Variants in PARPBP observed in about 807,000 individuals in gnomAD.
PARPBP encodes the protein PCNA-interacting partner.
Under a neutral mutation model 50.0 loss-of-function variants are expected in PARPBP, and 52 were observed. The ratio of observed to expected loss-of-function variants is 1.04; its 90% CI spans 0.83 to 1.31. PARPBP has a LOEUF of 1.31. PARPBP is among the 50% of genes most tolerant of loss of function. The probability of loss-of-function intolerance (pLI) is 0.00; values close to 1 mark genes in which losing one functional copy is unlikely to be tolerated. For missense variants in PARPBP, 697 were observed against 672.0 expected (o/e 1.04, Z -0.41); for synonymous variants, 244 against 232.1 (o/e 1.05, Z -0.47).
chr12:102,194,199 A>G (rs1290982341), intron 9 of PARPBP, among the ~76,000 whole-genome samples: 3 of 152,004 alleles, frequency 2.0e-5, no homozygotes, highest in Admixed American at 2.0e-4. Flanking sequence ...TGAACATATA[A>G]TATATAACTA....
intron 6 of PARPBP, among the ~76,000 whole-genome samples, chr12:102,166,768 A>G (rs1888183372): frequency 6.6e-6 from 1 of 152,096 alleles, no homozygotes; most frequent in African/African-American, 2.4e-5. Flanking sequence ...ATTCCATTCT[A>G]AGATTCTAAG....
At chr12:102,153,412 C>T (rs1026771889) in intron 3 of PARPBP, among the ~76,000 whole-genome samples, 3 of 152,136 alleles carry the variant, frequency 2.0e-5, no homozygotes, top group Non-Finnish European at 2.9e-5. Flanking sequence ...GTGGTGTAGT[C>T]GCAGCTCACT....
chr12:102,132,351 G>C (rs775719370), intron 2 of PARPBP, among the ~76,000 whole-genome samples: 3 of 152,020 alleles, frequency 2.0e-5, no homozygotes, highest in Non-Finnish European at 2.9e-5. Context: ...AAGGGATAAG[G>C]GTCTAATTTC....
intron 5 of PARPBP, 50 bp from the exon 6 acceptor site, chr12:102,165,679 C>T (rs1018524196): frequency 1.4e-6 from 2 of 1,399,828 alleles, no homozygotes; most frequent in South Asian, 1.2e-5. Flanking sequence ...AAGTAAATTA[C>T]AGTTTAATAA....
intron 2 of PARPBP, among the ~76,000 whole-genome samples, chr12:102,131,942 G>A (rs1207453315): frequency 6.8e-6 from 1 of 148,122 alleles, no homozygotes; most frequent in African/African-American, 2.4e-5. Context: ...TGTGGCTAAT[G>A]CCTGTAATCC....
intron 9 of PARPBP, among the ~76,000 whole-genome samples, chr12:102,192,292 T>G (rs1649351248): frequency 6.6e-6 from 1 of 152,148 alleles, no homozygotes; most frequent in Admixed American, 6.6e-5. Flanking sequence ...AACCTTGACA[T>G]ATGTTAACTG....
At chr12:102,163,400 T>C (rs1256754176) in intron 4 of PARPBP, among the ~76,000 whole-genome samples, 1 of 152,220 alleles carries the variant, frequency 6.6e-6, no homozygotes, top group Non-Finnish European at 1.5e-5. Context: ...GATTTTCTCT[T>C]ACTTTTGGCT....
At chr12:102,140,837 G>C (rs904920207) in intron 2 of PARPBP, among the ~76,000 whole-genome samples, 1 of 152,176 alleles carries the variant, frequency 6.6e-6, no homozygotes, top group African/African-American at 2.4e-5. Flanking sequence ...ATTGCACTGT[G>C]GTCTGAGAGA....
intron 4 of PARPBP, among the ~76,000 whole-genome samples, chr12:102,156,930 CTG>C (rs1887017577): frequency 1.3e-5 from 2 of 152,236 alleles, no homozygotes; most frequent in South Asian, 4.1e-4. Flanking sequence ...GCATGAGACA[CTG>C]TGCCCAGCCA....
chr12:102,148,137 A>G, intron 2 of PARPBP, 93 bp from the exon 3 acceptor site: 2 of 554,020 alleles, frequency 3.6e-6, no homozygotes, highest in South Asian at 3.3e-5. Context: ...GACTTTACCA[A>G]AATTTAATTT....
At chr12:102,195,131 A>G (rs934799158) in intron 9 of PARPBP, among the ~76,000 whole-genome samples, 181 bp from the exon 10 acceptor site, 1 of 151,746 alleles carries the variant, frequency 6.6e-6, no homozygotes, top group Non-Finnish European at 1.5e-5. Flanking sequence ...AATGCTAGCC[A>G]TAACAATGAA....
In PARPBP at chr12:102,155,600, G is replaced by GGC. The variant is rs1555216786; in HGVS notation, c.495+1625_495+1626insCG. Among the ~76,000 whole-genome samples the GGC allele has an allele frequency of 4.0e-5, 5 of 125,222 alleles. No homozygotes were observed. In the East Asian group the frequency reaches 8.8e-4, roughly 22 times the overall value. The allele number at this position is 125,222 out of a possible 152,430, so 82.2% of individuals were successfully genotyped here. On this transcript the variant is annotated intron_variant, in intron 4 of 10. Transcript: ENST00000327680. ...CTATCGCCTGAGAGCATGGTGGGGG[G>GGC]GGGGGGCGGGGACAATGATTGGAAT...
chr12:102,189,615 A>G (rs745673826), intron 9 of PARPBP, among the ~76,000 whole-genome samples: 3 of 152,206 alleles, frequency 2.0e-5, no homozygotes, highest in Non-Finnish European at 4.4e-5. Context: ...ATGAGAATAA[A>G]TAGGATTTGA....
rs1205270373 is a variant in PARPBP at position 102,152,119 on chromosome 12, T to A, written c.388-1750T>A. ...CCTTGCTCTGCTGCTTCCTCGCTCCTCTTCCTAGATGTTGGGCAGGTGGGC... is the reference window on the plus strand; with the variant it reads ...CCTTGCTCTGCTGCTTCCTCGCTCCACTTCCTAGATGTTGGGCAGGTGGGC... On this transcript the variant is annotated intron_variant, in intron 3 of 10. Transcript: ENST00000327680. 1.0e-5 allele frequency: 3 copies of A among 294,386 alleles called. No individual in the cohort carries two copies. In the East Asian group the frequency reaches 2.6e-4, roughly 26 times the overall value. The allele number at this position is 294,386 out of a possible 1,614,324, so 18.2% of individuals were successfully genotyped here. A position where few individuals can be genotyped will look rare whatever the true frequency, so the allele number is the denominator to read the frequency against.
In PARPBP at chr12:102,165,857, G is replaced by T. The variant is rs769353553; in HGVS notation, c.795G>T (p.Glu265Asp). The T allele has an allele frequency of 6.4e-6, 10 of 1,564,452 alleles. No homozygotes were observed. In the African/African-American group the frequency reaches 1.2e-4, roughly 19 times the overall value. Residue 265 changes from glutamate (E) to aspartate (D), a missense_variant, in exon 6 of 11, where the codon GAG becomes GAT. Physicochemically the swap from Glu to Asp is conservative, Grantham distance 45 (BLOSUM62 2). Coordinates refer to ENST00000327680, the MANE Select transcript of PARPBP (RefSeq NM_017915.5). ...NFINFIDKLD[E>D]ILGEIPNPSI... ...TTAATTTCATTGACAAATTAGATGAGATTCTTGGAGAAATACCAAACCCAA... is the reference window on the plus strand; with the variant it reads ...TTAATTTCATTGACAAATTAGATGATATTCTTGGAGAAATACCAAACCCAA...
At chr12:102,177,800 A>G (rs181952785) in intron 7 of PARPBP, among the ~76,000 whole-genome samples, 1 of 152,340 alleles carries the variant, frequency 6.6e-6, no homozygotes, top group East Asian at 1.9e-4. Flanking sequence ...TTGGCATGAT[A>G]TACAAAGTTT....
intron 3 of PARPBP, among the ~76,000 whole-genome samples, chr12:102,151,143 A>G (rs775236586): frequency 1.3e-5 from 2 of 152,208 alleles, no homozygotes; most frequent in Non-Finnish European, 2.9e-5. Flanking sequence ...GAACAGAGCT[A>G]CTGGGGGGAA....
chr12:102,184,128 C>T (rs548898738), intron 9 of PARPBP, among the ~76,000 whole-genome samples: 123 of 150,078 alleles, frequency 8.2e-4, no homozygotes, highest in African/African-American at 2.6e-3. Context: ...TAAATATTAC[C>T]GGGAAAGGGC....
chr12:102,151,614 G>T (rs1302205396), intron 3 of PARPBP: 1 of 1,535,672 alleles, frequency 6.5e-7, no homozygotes, highest in Admixed American at 2.0e-5. Flanking sequence ...GCTTGCTGCT[G>T]TCTAGGCCAG....
Sources: allele counts gnomAD v4.1 joint callset (sites outside exome capture counted in the v4.1 genomes callset), GRCh38; gene constraint gnomAD v4.1.1; transcripts MANE v1.5; gene names NCBI Gene and HGNC (gene_info 2026-07-23, HGNC 2026-07-21).